Variants in MAP7 observed in about 807,000 individuals in gnomAD.
MAP7 encodes ensconsin.
Under a neutral mutation model 94.8 loss-of-function variants are expected in MAP7, and 52 were observed. The ratio of observed to expected loss-of-function variants is 0.55; its 90% CI spans 0.44 to 0.69. MAP7 has a LOEUF of 0.69. Among genes scored for constraint, MAP7 ranks in the 30% least tolerant of loss-of-function variants. The probability of loss-of-function intolerance (pLI) is 0.00; values close to 1 mark genes in which losing one functional copy is unlikely to be tolerated. For synonymous variants in MAP7, 350 were observed against 357.0 expected, an observed-to-expected ratio of 0.98 and a Z score of 0.22; for missense variants, 940 against 964.6, an observed-to-expected ratio of 0.97 and a Z score of 0.34.
intron 1 of MAP7, among the ~76,000 whole-genome samples, chr6:136,484,888 T>G (rs769543268): frequency 2.6e-5 from 4 of 151,934 alleles, no homozygotes; most frequent in Non-Finnish European, 5.9e-5. Context: ...AGAGCAAGGG[T>G]CTTACTATGT....
chr6:136,538,667 T>C (rs1829069933), intron 1 of MAP7, among the ~76,000 whole-genome samples: 1 of 151,712 alleles, frequency 6.6e-6, no homozygotes, highest in East Asian at 1.9e-4. Context: ...GGCGTGTACC[T>C]GTAGTCCCAG....
intron 3 of MAP7, among the ~76,000 whole-genome samples, chr6:136,403,823 T>A (rs540394639): frequency 1.3e-4 from 20 of 152,346 alleles, no homozygotes; most frequent in African/African-American, 4.8e-4. Flanking sequence ...TGAGCCTGAC[T>A]CATGATACAG....
intron 1 of MAP7, among the ~76,000 whole-genome samples, chr6:136,524,587 G>A (rs1221229870): frequency 2.0e-5 from 3 of 152,192 alleles, no homozygotes; most frequent in African/African-American, 7.2e-5. Flanking sequence ...AGCCAGGTCT[G>A]ATAGTAAATA....
intron 10 of MAP7, 39 bp from the exon 11 acceptor site, chr6:136,362,741 A>C: frequency 1.3e-6 from 2 of 1,517,628 alleles, no homozygotes; most frequent in Non-Finnish European, 1.8e-6. Flanking sequence ...AGTTGGAAAC[A>C]AAATCCAAAG....
At chr6:136,537,214 T>C (rs3799467) in intron 1 of MAP7, among the ~76,000 whole-genome samples, 17,528 of 152,100 alleles carry the variant, frequency 0.12, 1,195 homozygotes, top group East Asian at 0.15. Flanking sequence ...CTGATCAGTT[T>C]GTAAATAAGT....
rs58541073 is a variant in MAP7, at chr6:136,343,852, A to AT, written c.*375dup. 4.4e-5 allele frequency: 7 copies of AT among 157,886 alleles called. No individual in the cohort carries two copies. Among genetic ancestry groups the AT allele is most frequent in the Non-Finnish European group, 5.6e-5 (4 of 72,064 alleles). The allele number at this position is 157,886 out of a possible 1,614,324, so 9.8% of individuals were successfully genotyped here. On this transcript the variant is annotated 3_prime_UTR_variant, in exon 18 of 18. Transcript: ENST00000354570. ...TTTCAAGTATTATAAAAGGTAAAAA[A>AT]TTTTTTTTGCCAATTTTACATGTTA...
intron 3 of MAP7, among the ~76,000 whole-genome samples, chr6:136,407,994 C>G (rs1046902506): frequency 6.6e-6 from 1 of 152,048 alleles, no homozygotes; most frequent in Non-Finnish European, 1.5e-5. Context: ...AGTAGAGTTT[C>G]GGGAAACAGG....
At chr6:136,432,761 A>C (rs1795315557) in intron 1 of MAP7, among the ~76,000 whole-genome samples, 1 of 152,114 alleles carries the variant, frequency 6.6e-6, no homozygotes, top group Non-Finnish European at 1.5e-5. Context: ...AAAGAAAGTA[A>C]ATTTATCTAT....
intron 2 of MAP7, among the ~76,000 whole-genome samples, chr6:136,413,900 C>G (rs1788329375): frequency 6.6e-6 from 1 of 151,980 alleles, no homozygotes; most frequent in Non-Finnish European, 1.5e-5. Context: ...CCCTTAGGAG[C>G]CTGCATAAAC....
intron 2 of MAP7, among the ~76,000 whole-genome samples, chr6:136,414,370 T>C (rs1788660718): frequency 6.7e-6 from 1 of 149,686 alleles, no homozygotes; most frequent in African/African-American, 2.5e-5. Flanking sequence ...ATATTTTTTA[T>C]GTAGGAAAAT....
Position 136,345,917 on chromosome 6 carries a change from A to C in MAP7, c.2178T>G (p.Asp726Glu), listed in dbSNP as rs1302110734. Residue 726 changes from aspartate (D) to glutamate (E), a missense_variant, in exon 17 of 18, where the codon GAT becomes GAG. Asp to Glu is a conservative substitution (Grantham distance 45). Transcript: ENST00000354570. The part of the protein sequence containing the change: ...EIPLNPILAF[D>E]DEGTLGPLPQ... The stretch of plus-strand genomic sequence containing the variant: ...GCAGGGGCCCAAGTGTCCCTTCATC[A>C]TCAAAGGCCAAAATTGGATTCAAAG... The C allele has an allele frequency of 6.2e-7, 1 of 1,614,170 alleles. No individual in the cohort carries two copies.
At position 136,360,952 on chromosome 6, in the gene MAP7, G is replaced by A. The variant is rs1378862968; in HGVS notation, c.1701+53C>T. On this transcript the variant is annotated intron_variant, in intron 12 of 17. Coordinates refer to ENST00000354570, the MANE Select transcript of MAP7 (RefSeq NM_003980.6). ...AGTCCGCACCCTCCTCTGCTGGGCT[G>A]GGGCGTCTCCCTGCGGGACTGGGGC... The A allele has an allele frequency of 1.9e-6, 3 of 1,548,258 alleles. No homozygotes were observed. The South Asian group carries it at 3.6e-5, about 18-fold the overall frequency.
chr6:136,417,935 T>C (rs1790048703), intron 2 of MAP7, among the ~76,000 whole-genome samples: 1 of 152,212 alleles, frequency 6.6e-6, no homozygotes, highest in South Asian at 2.1e-4. Context: ...GGATTTTTAA[T>C]GAATTTGGGT....
At chr6:136,404,744 A>G (rs911931233) in intron 3 of MAP7, among the ~76,000 whole-genome samples, 14 of 152,226 alleles carry the variant, frequency 9.2e-5, no homozygotes, top group African/African-American at 3.4e-4. Flanking sequence ...CAAAACTTAA[A>G]CACAATCAAT....
intron 1 of MAP7, among the ~76,000 whole-genome samples, chr6:136,492,441 T>A (rs1259657535): frequency 6.6e-6 from 1 of 152,198 alleles, no homozygotes; most frequent in African/African-American, 2.4e-5. Context: ...AAGGAAAACT[T>A]TCTTTCAAAT....
At chr6:136,538,792 T>C (rs949033866) in intron 1 of MAP7, among the ~76,000 whole-genome samples, 1 of 131,398 alleles carries the variant, frequency 7.6e-6, no homozygotes, top group Admixed American at 7.6e-5. Flanking sequence ...GAGCAAGATT[T>C]TGTCTCAAAA....
chr6:136,506,579 C>T (rs1383430208), intron 1 of MAP7, among the ~76,000 whole-genome samples: 1 of 151,506 alleles, frequency 6.6e-6, no homozygotes, highest in African/African-American at 2.5e-5. Flanking sequence ...GGAGTTGGCC[C>T]AGGTTGATAC....
At chr6:136,497,797 C>CAAAAAAAAAAAAAAAAAAAAAAAAAAA (rs1199112585) in intron 1 of MAP7, among the ~76,000 whole-genome samples, 1 of 46,568 alleles carries the variant, frequency 2.1e-5, no homozygotes, top group African/African-American at 6.7e-5. Context: ...GACTCTGTCA[C>CAAAAAAAAAAAAAAAAAAAAAAAAAAA]AAAAAAAAAA....
chr6:136,378,892 T>C (rs182515615), intron 6 of MAP7, among the ~76,000 whole-genome samples: 1,559 of 152,308 alleles, frequency 0.01, 12 homozygotes, highest in Middle Eastern at 0.017. Flanking sequence ...TTTTAAAAGT[T>C]TTGTTTGTGT....
Sources: gnomAD v4.1 joint callset for allele counts (sites outside exome capture counted in the v4.1 genomes callset) on GRCh38, gnomAD v4.1.1 for gene constraint, MANE v1.5 for transcripts, NCBI Gene and HGNC (gene_info 2026-07-23, HGNC 2026-07-21) for gene names.